RIGI: variants seen among roughly 807,000 people sequenced by gnomAD.
RIGI encodes antiviral innate immune response receptor RIG-I.
the RIGI span, chr9:32,473,140 C>A: frequency 8.4e-6 from 9 of 1,076,636 alleles, no homozygotes; most frequent in South Asian, 3.4e-5. Context: ...GAAATACATG[C>A]AAAAAGAAAA....
chr9:32,459,337 A>G, the RIGI span: 1 of 1,605,514 alleles, frequency 6.2e-7, no homozygotes, highest in South Asian at 1.1e-5. Context: ...TAGTGCTAAA[A>G]CATGACCAGG....
chr9:32,502,665 T>C, the RIGI span, among the ~76,000 whole-genome samples: 1 of 152,214 alleles, frequency 6.6e-6, no homozygotes, highest in Non-Finnish European at 1.5e-5. Context: ...AGCAGAGTCA[T>C]GCTTCCTCTG....
chr9:32,493,354 G>A, the RIGI span, among the ~76,000 whole-genome samples: 2 of 152,160 alleles, frequency 1.3e-5, no homozygotes, highest in African/African-American at 2.4e-5. Context: ...GGCTGAGCAC[G>A]GTGGCTCACG....
chr9:32,469,772 C>T, the RIGI span, among the ~76,000 whole-genome samples: 1 of 152,292 alleles, frequency 6.6e-6, no homozygotes, highest in Non-Finnish European at 1.5e-5. Context: ...GTAATCATGG[C>T]GGACACCCAA....
chr9:32,491,180 C>G, the RIGI span: 1 of 1,127,510 alleles, frequency 8.9e-7, no homozygotes, highest in East Asian at 2.5e-5. Flanking sequence ...ATTCTCTTTA[C>G]TTTCTTAATT....
the RIGI span, chr9:32,492,622 G>C: frequency 1.7e-5 from 26 of 1,500,064 alleles, no homozygotes; most frequent in African/African-American, 2.4e-4. Flanking sequence ...TGTCAGTCAT[G>C]TACTATCTGA....
chr9:32,459,669 C>G, the RIGI span, among the ~76,000 whole-genome samples: 1 of 152,128 alleles, frequency 6.6e-6, no homozygotes, highest in Non-Finnish European at 1.5e-5. Flanking sequence ...TGTAAAATCA[C>G]AGATTTTATT....
chr9:32,493,634 AG>A, the RIGI span: 1 of 612,954 alleles, frequency 1.6e-6, no homozygotes, highest in East Asian at 3.3e-5. Flanking sequence ...AAAAAAAAAA[AG>A]TACTATTCTA....
chr9:32,523,907 A>G, the RIGI span, among the ~76,000 whole-genome samples: 1 of 151,768 alleles, frequency 6.6e-6, no homozygotes, highest in Non-Finnish European at 1.5e-5. Flanking sequence ...TCTCTCCACA[A>G]TGCCACCATA....
At chr9:32,513,202 C>T in the RIGI span, among the ~76,000 whole-genome samples, 1 of 151,866 alleles carries the variant, frequency 6.6e-6, no homozygotes, top group African/African-American at 2.4e-5. Flanking sequence ...ACTTTCTTCA[C>T]AGAATTGGAA....
At chr9:32,491,652 G>T in the RIGI span, among the ~76,000 whole-genome samples, 1 of 147,142 alleles carries the variant, frequency 6.8e-6, no homozygotes, top group Admixed American at 7.0e-5. Flanking sequence ...AGTGTGGAAC[G>T]TATTGCCCTA....
chr9:32,486,006 T>G, the RIGI span, among the ~76,000 whole-genome samples: 2 of 152,330 alleles, frequency 1.3e-5, no homozygotes, highest in Admixed American at 1.3e-4. Context: ...TATCAATATA[T>G]TATTTCAGCC....
the RIGI span, chr9:32,476,950 C>T: frequency 1.3e-6 from 2 of 1,570,218 alleles, no homozygotes; most frequent in Admixed American, 1.7e-5. Flanking sequence ...GTGCTGGGTC[C>T]ATTTGTTATC....
chr9:32,524,607 T>G, the RIGI span, among the ~76,000 whole-genome samples: 3 of 128,144 alleles, frequency 2.3e-5, no homozygotes, highest in African/African-American at 5.9e-5. Context: ...TTTTTTTTTT[T>G]TTTTTTTTTT....
At chr9:32,497,474 G>A in the RIGI span, among the ~76,000 whole-genome samples, 3 of 152,134 alleles carry the variant, frequency 2.0e-5, no homozygotes, top group South Asian at 2.1e-4. Context: ...TCGGCTGGGC[G>A]CAGTGGCTCA....
At chr9:32,511,387 A>C in the RIGI span, among the ~76,000 whole-genome samples, 1 of 152,184 alleles carries the variant, frequency 6.6e-6, no homozygotes, top group Non-Finnish European at 1.5e-5. Flanking sequence ...ACAGTCTGTC[A>C]GAACACAGTG....
chr9:32,511,824 T>C, the RIGI span, among the ~76,000 whole-genome samples: 1 of 151,954 alleles, frequency 6.6e-6, no homozygotes, highest in East Asian at 1.9e-4. Context: ...AACAAATATA[T>C]AGACCACAAG....
At chr9:32,520,938 G>C in the RIGI span, among the ~76,000 whole-genome samples, 1 of 151,904 alleles carries the variant, frequency 6.6e-6, no homozygotes, top group Admixed American at 6.6e-5. Flanking sequence ...CTGAGGCCAC[G>C]AGTTGGAGAC....
At chr9:32,474,665 T>G in the RIGI span, among the ~76,000 whole-genome samples, 5 of 152,190 alleles carry the variant, frequency 3.3e-5, no homozygotes, top group Non-Finnish European at 5.9e-5. Context: ...GTTTGGAAGT[T>G]AACCTTCCCC....
Sources: allele counts gnomAD v4.1 joint callset (sites outside exome capture counted in the v4.1 genomes callset), GRCh38; gene constraint gnomAD v4.1.1; transcripts MANE v1.5; gene names NCBI Gene and HGNC (gene_info 2026-07-23, HGNC 2026-07-21).